The following JMJD4 variants were observed in gnomAD, a reference collection of about 807,000 sequenced individuals.
The protein encoded by JMJD4 is 2-oxoglutarate and iron-dependent oxygenase JMJD4.
JMJD4 carries 34 observed loss-of-function variants against 36.3 expected under a neutral mutation model. The ratio of observed to expected loss-of-function variants is 0.94; its 90% confidence interval spans 0.71 to 1.25. The LOEUF (loss-of-function observed/expected upper bound fraction) is 1.25, where lower values mean the gene tolerates loss of function less well. Among genes scored for constraint, JMJD4 ranks in the 50% most tolerant of loss-of-function variants. JMJD4 has a pLI of 0.00. For synonymous variants in JMJD4, 269 were observed against 235.3 expected (o/e 1.14, Z -1.31); for missense variants, 584 against 559.1 (o/e 1.04, Z -0.45).
At position 227,735,297 on chromosome 1, in the gene JMJD4, C is replaced by T; in HGVS notation, c.-24G>A. The T allele has an allele frequency of 6.2e-7, 1 of 1,604,932 alleles. No individual in the cohort carries two copies. The highest frequency in any genetic ancestry group is 1.7e-5 in the Admixed American group (1 of 59,660). ...ATCCAGCTCAGCACGGGTCGAAGGACCCTCCTCCTCACTTCCGCCGGAGCG... is the reference window on the plus strand; with the variant it reads ...ATCCAGCTCAGCACGGGTCGAAGGATCCTCCTCCTCACTTCCGCCGGAGCG... On this transcript the variant is annotated 5_prime_UTR_variant, in exon 1 of 6. Coordinates refer to ENST00000620518, the MANE Select transcript of JMJD4 (RefSeq NM_023007.3).
intron 4 of JMJD4, 120 bp downstream of exon 4, chr1:227,733,294 T>A (rs964928641): frequency 9.0e-7 from 1 of 1,104,976 alleles, no homozygotes; most frequent in Non-Finnish European, 1.3e-6. Context: ...TGTGAAGGGG[T>A]CAGCCTCACC....
Position 227,734,704 on chromosome 1 carries a change from C to G in JMJD4, c.375G>C (p.Ala125=). The change falls in exon 2 of 6, where the codon GCG becomes GCC. Residue 125 remains alanine (A), a synonymous_variant. Transcript: ENST00000620518. The part of the protein sequence containing the change: ...YITYWKEYIQ[A]GYSSPRGCLY... ...GACAGCCCCTGGGAGAGGAGTAGCC[C>G]GCCTGTATGTACTCTTTCCAGTAGG... The G allele has an allele frequency of 6.2e-7, 1 of 1,614,152 alleles. No homozygotes were observed. Among genetic ancestry groups the G allele is most frequent in the Non-Finnish European group, 8.5e-7 (1 of 1,180,002 alleles).
In JMJD4 at chr1:227,735,004, C is replaced by T. The variant is rs761125101; in HGVS notation, c.262+8G>A. The T allele has an allele frequency of 2.0e-6, 3 of 1,520,298 alleles. No individual in the cohort carries two copies. Among genetic ancestry groups the T allele is most frequent in the Non-Finnish European group, 2.6e-6 (3 of 1,137,036 alleles). The allele number at this position is 1,520,298 out of a possible 1,614,324, so 94.2% of individuals were successfully genotyped here. On this transcript the variant is annotated splice_region_variant and intron_variant, in intron 1 of 5. Coordinates refer to ENST00000620518, the MANE Select transcript of JMJD4 (RefSeq NM_023007.3). ...CTCCCCGCCCGGGGTCTGCGGCCGC[C>T]GCCCCACCGTAGGTCCGTAGCAGGT...
Position 227,734,768 on chromosome 1 carries a change from G to C in JMJD4, c.311C>G (p.Ser104Trp), listed in dbSNP as rs1367496567. Residue 104 changes from serine to tryptophan, a missense_variant, in exon 2 of 6, where the codon TCG (serine) becomes TGG (tryptophan). Coordinates refer to ENST00000620518, the MANE Select transcript of JMJD4 (RefSeq NM_023007.3). ...VANCGVQEYN[S>W]NPKEHMTLRD... ...GAGAGTCATGTGCTCTTTGGGGTTC[G>C]AGTTGTATTCCTGGACCCCACAGTT... 6.2e-7 allele frequency: 1 copy of C among 1,614,032 alleles called. No individual in the cohort carries two copies. The highest frequency in any genetic ancestry group is 8.5e-7 in the Non-Finnish European group (1 of 1,179,958).
chr1:227,733,518 G>A lies in JMJD4; in HGVS notation c.718C>T (p.Leu240=), dbSNP rs1287791224. 6.2e-7 allele frequency: 1 copy of A among 1,602,186 alleles called. No homozygotes were observed. The highest frequency in any genetic ancestry group is 8.5e-7 in the Non-Finnish European group (1 of 1,174,062). The stretch of plus-strand genomic sequence containing the variant: ...CCAGCAAGCTGGTTCCGTGGGTGCA[G>A]GTGTGTGTCGCAGAGTGCTGGGGAG... ...VTSPALCDTH[L]HPRNQLAGPP... is the part of the protein sequence containing the mutation. Residue 240 remains leucine, a synonymous_variant, in exon 4 of 6, where the codon CTG becomes TTG. Coordinates refer to ENST00000620518, the MANE Select transcript of JMJD4 (RefSeq NM_023007.3).
chr1:227,732,374 C>T lies in JMJD4; in HGVS notation c.*18G>A. The stretch of plus-strand genomic sequence containing the variant: ...GGCTGCCTCTCTTCCACCCGTCCTT[C>T]TATCCTCACGACAGGTGCTATGGGG... On this transcript the variant is annotated 3_prime_UTR_variant, in exon 6 of 6. Transcript: ENST00000620518. 1 of 1,608,742 alleles carries T rather than the reference C, an allele frequency of 6.2e-7. No individual in the cohort carries two copies. The highest frequency in any genetic ancestry group is 8.5e-7 in the Non-Finnish European group (1 of 1,177,596).
In JMJD4 at chr1:227,735,266, C is replaced by A. The variant is rs545637599; in HGVS notation, c.8G>T (p.Arg3Leu). 1.0e-4 allele frequency: 166 copies of A among 1,605,342 alleles called. 1 individual carries two copies. The South Asian group carries it at 1.7e-3, about 16-fold the overall frequency. MD[R>L]ETRALADSHF... ...GCTGTCGGCGAGGGCGCGCGTCTCG[C>A]GGTCCATCCAGCTCAGCACGGGTCG... is the stretch of plus-strand genomic sequence containing the variant. Residue 3 changes from arginine (R) to leucine (L), a missense_variant, in exon 1 of 6, where the codon CGC (arginine) becomes CTC (leucine). By Grantham distance (102) the Arg-to-Leu change is moderately radical. Transcript: ENST00000620518.
Position 227,735,247 on chromosome 1 carries a change from G to T in JMJD4, c.27C>A (p.Ala9=), listed in dbSNP as rs556796845. 3 of 1,601,762 alleles carry T rather than the reference G, an allele frequency of 1.9e-6. No homozygotes were observed. Among genetic ancestry groups the T allele is most frequent in the East Asian group, 2.3e-5 (1 of 44,176 alleles). The change falls in exon 1 of 6, where the codon GCC becomes GCA. Residue 9 remains alanine (A), a synonymous_variant. Coordinates refer to ENST00000620518, the MANE Select transcript of JMJD4 (RefSeq NM_023007.3). ...CCCCCAGGCCTCGGAAGTGGCTGTC[G>T]GCGAGGGCGCGCGTCTCGCGGTCCA... MDRETRAL[A]DSHFRGLGVD...
chr1:227,734,024 G>A lies in JMJD4; in HGVS notation c.437C>T (p.Pro146Leu), dbSNP rs566269894. The A allele has an allele frequency of 6.1e-5, 99 of 1,613,192 alleles. 2 individuals carry two copies. The South Asian group carries it at 1.1e-3, about 17-fold the overall frequency. The change falls in exon 3 of 6, where the codon CCG (proline) becomes CTG (leucine). Residue 146 changes from proline to leucine, a missense_variant. Coordinates refer to ENST00000620518, the MANE Select transcript of JMJD4 (RefSeq NM_023007.3). ...AGGCAGGGTGAAAACGTCCTCCACC[G>A]GAAAGTCCCTGTGAGGAGGGCGCAA... ...LKDWHLCRDF[P>L]VEDVFTLPVY...
chr1:227,734,699 T>G lies in JMJD4; in HGVS notation c.380A>C (p.Tyr127Ser), dbSNP rs201330178. 27 of 1,613,716 alleles carry G rather than the reference T, an allele frequency of 1.7e-5. No homozygotes were observed. The East Asian group carries it at 3.3e-4, about 20-fold the overall frequency. Residue 127 changes from tyrosine (Y) to serine (S), a missense_variant, in exon 2 of 6, where the codon TAC becomes TCC. Physicochemically the swap from Tyr to Ser is moderately radical, Grantham distance 144. Transcript: ENST00000620518. ...GTAGAGACAGCCCCTGGGAGAGGAG[T>G]AGCCCGCCTGTATGTACTCTTTCCA... Reference protein sequence around the residue: ...TYWKEYIQAGYSSPRGCLYLK... With the variant: ...TYWKEYIQAGSSSPRGCLYLK...
In JMJD4 at chr1:227,735,165, C is replaced by T. The variant is rs201199352; in HGVS notation, c.109G>A (p.Gly37Ser). 1.4e-3 allele frequency: 2,175 copies of T among 1,580,332 alleles called. 18 individuals are homozygous for T. Among genetic ancestry groups the T allele is most frequent in the Non-Finnish European group, 5.0e-4 (584 of 1,163,930 alleles). ...ACAAAGTCGGCGTAGGAGAAGGCGC[C>T]CGGCTCCGAGACGAAGGCTACCCGG... ...PGRVAFVSEP[G>S]AFSYADFVRG... Residue 37 changes from glycine to serine, a missense_variant, in exon 1 of 6, where the codon GGC (glycine) becomes AGC (serine). Transcript: ENST00000620518.
At chr1:227,732,852 A>G (rs1247586624) in intron 5 of JMJD4, 29 bp downstream of exon 5, 8 of 1,611,186 alleles carry the variant, frequency 5.0e-6, no homozygotes, top group Middle Eastern at 1.9e-4. Flanking sequence ...CTCCCCCAGG[A>G]GGGTAGCCTC....
Position 227,732,025 on chromosome 1 carries a change from A to G in JMJD4, c.*367T>C. The G allele has an allele frequency of 6.5e-6, 2 of 307,666 alleles. No individual in the cohort carries two copies. The highest frequency in any genetic ancestry group is 1.2e-5 in the Non-Finnish European group (2 of 160,380). 19.1% of individuals were successfully genotyped at this position (307,666 alleles called of 1,614,324 possible). On this transcript the variant is annotated 3_prime_UTR_variant, in exon 6 of 6. Coordinates refer to ENST00000620518, the MANE Select transcript of JMJD4 (RefSeq NM_023007.3). ...GAGCCAGGGGTGGTCCAATGGCCTG[A>G]GACGAGGGGACAGGGCTGGCCTATT...
At position 227,735,118 on chromosome 1, in the gene JMJD4, G is replaced by A. The variant is rs1480281290; in HGVS notation, c.156C>T (p.Asn52=). Residue 52 remains asparagine, a synonymous_variant, in exon 1 of 6, where the codon AAC becomes AAT. Transcript: ENST00000620518. ...ADFVRGFLLP[N]LPCVFSSAFT... ...AGGCGCTGGAAAACACGCAGGGCAG[G>A]TTGGGCAGCAAGAAGCCCCGCACAA... The A allele has an allele frequency of 6.3e-7, 1 of 1,578,554 alleles. No homozygotes were observed. The highest frequency in any genetic ancestry group is 2.3e-5 in the East Asian group (1 of 42,848).
In JMJD4 at chr1:227,735,137, C is replaced by T; in HGVS notation, c.137G>A (p.Arg46Gln). The stretch of plus-strand genomic sequence containing the variant: ...GGGCAGGTTGGGCAGCAAGAAGCCC[C>T]GCACAAAGTCGGCGTAGGAGAAGGC... ...PGAFSYADFV[R>Q]GFLLPNLPCV... Residue 46 changes from arginine (R) to glutamine (Q), a missense_variant, in exon 1 of 6, where the codon CGG becomes CAG. Physicochemically the swap from Arg to Gln is conservative, Grantham distance 43. Coordinates refer to ENST00000620518, the MANE Select transcript of JMJD4 (RefSeq NM_023007.3). The T allele has an allele frequency of 6.3e-7, 1 of 1,580,952 alleles. No homozygotes were observed. The highest frequency in any genetic ancestry group is 8.6e-7 in the Non-Finnish European group (1 of 1,164,396).
rs774439129 is a variant in JMJD4, at chr1:227,732,413, A to G, written c.1233T>C (p.Val411=). Residue 411 remains valine (V), a synonymous_variant, in exon 6 of 6, where the codon GTT becomes GTC. Coordinates refer to ENST00000620518, the MANE Select transcript of JMJD4 (RefSeq NM_023007.3). The part of the protein sequence containing the change: ...KELLQQLREA[V]DAAAAP ...GGTGCTATGGGGCCGCAGCAGCATCAACAGCCTCTCTCAGCTGCTGCAGCA... is the reference window on the plus strand; with the variant it reads ...GGTGCTATGGGGCCGCAGCAGCATCGACAGCCTCTCTCAGCTGCTGCAGCA... 2 of 1,612,728 alleles carry G rather than the reference A, an allele frequency of 1.2e-6. No homozygotes were observed. Among genetic ancestry groups the G allele is most frequent in the Admixed American group, 3.3e-5 (2 of 60,004 alleles).
Position 227,735,289 on chromosome 1 carries a change from T to C in JMJD4, c.-16A>G, listed in dbSNP as rs2102872879. 6.2e-7 allele frequency: 1 copy of C among 1,605,812 alleles called. No individual in the cohort carries two copies. ...CGCGGTCCATCCAGCTCAGCACGGG[T>C]CGAAGGACCCTCCTCCTCACTTCCG... On this transcript the variant is annotated 5_prime_UTR_variant, in exon 1 of 6. Transcript: ENST00000620518.
chr1:227,735,284 A>G lies in JMJD4; in HGVS notation c.-11T>C, dbSNP rs137953615. On this transcript the variant is annotated 5_prime_UTR_variant, in exon 1 of 6. Transcript: ENST00000620518. ...CGTCTCGCGGTCCATCCAGCTCAGC[A>G]CGGGTCGAAGGACCCTCCTCCTCAC... 319 of 1,606,366 alleles carry G rather than the reference A, an allele frequency of 2.0e-4. No individual in the cohort carries two copies. The highest frequency in any genetic ancestry group is 7.5e-4 in the Admixed American group (45 of 59,668).
rs773426028 is a variant in JMJD4 at position 227,732,560 on chromosome 1, C to T, written c.1086G>A (p.Gly362=). 8.1e-6 allele frequency: 13 copies of T among 1,613,404 alleles called. No individual in the cohort carries two copies. Among genetic ancestry groups the T allele is most frequent in the Admixed American group, 5.0e-5 (3 of 60,012 alleles). Reference sequence around the variant, plus strand: ...CAAAGGCTGCCTGTTCGAAACCCAACCCAGCACCGTCCTCAGCGGCTGCCT... The same window carrying T: ...CAAAGGCTGCCTGTTCGAAACCCAATCCAGCACCGTCCTCAGCGGCTGCCT... ...LREAAAEDGA[G]LGFEQAAFDV... is the part of the protein sequence containing the mutation. The change falls in exon 6 of 6, where the codon GGG becomes GGA. Residue 362 remains glycine (G), a synonymous_variant. Coordinates refer to ENST00000620518, the MANE Select transcript of JMJD4 (RefSeq NM_023007.3).
Sources: allele counts gnomAD v4.1 joint callset, GRCh38; gene constraint gnomAD v4.1.1; transcripts MANE v1.5; gene names NCBI Gene and HGNC (gene_info 2026-07-23, HGNC 2026-07-21).